Variants in MARCHF5 observed in about 807,000 individuals in gnomAD.
MARCHF5 encodes the protein E3 ubiquitin-protein ligase MARCHF5.
Under a neutral mutation model 36.5 loss-of-function variants are expected in MARCHF5, and 5 were observed. The observed-to-expected ratio is 0.14, with a 90% confidence interval of 0.07 to 0.29. MARCHF5 has a LOEUF of 0.29. MARCHF5 is among the 10% of genes least tolerant of loss of function. The pLI, the probability that MARCHF5 is intolerant of heterozygous loss-of-function variation, is 1.00. For missense variants in MARCHF5, 179 were observed against 336.3 expected (o/e 0.53, Z 3.66); for synonymous variants, 103 against 109.9 (o/e 0.94, Z 0.39).
chr10:92,330,869 G>A (rs1331003425), intron 2 of MARCHF5, among the ~76,000 whole-genome samples: 1 of 152,164 alleles, frequency 6.6e-6, no homozygotes, highest in Non-Finnish European at 1.5e-5. Context: ...AATTCACACA[G>A]CAGACCCAAC....
intron 2 of MARCHF5, among the ~76,000 whole-genome samples, chr10:92,323,710 T>G (rs1843319041): frequency 6.6e-6 from 1 of 152,236 alleles, no homozygotes; most frequent in Admixed American, 6.5e-5. Flanking sequence ...GCATTTAATT[T>G]CCTCTGTGTC....
At position 92,291,433 on chromosome 10, in the gene MARCHF5, TC is replaced by T; in HGVS notation, c.-59del. 1 of 1,416,778 alleles carries T rather than the reference TC, an allele frequency of 7.1e-7. No individual in the cohort carries two copies. The highest frequency in any genetic ancestry group is 9.7e-7 in the Non-Finnish European group (1 of 1,026,248). 87.8% of individuals were successfully genotyped at this position (1,416,778 alleles called of 1,614,324 possible). A position where few individuals can be genotyped will look rare whatever the true frequency, so the allele number is the denominator to read the frequency against. On this transcript the variant is annotated 5_prime_UTR_variant, in exon 1 of 6. The change creates a premature stop within an existing upstream ORF in the 5' untranslated region. Coordinates refer to ENST00000358935, the MANE Select transcript of MARCHF5 (RefSeq NM_017824.5). ...ACTCCGCCGCCTCTCAGTGCTATTGTCCCTGGGCCTGGCCTTGAGCGGGTCC... is the reference window on the plus strand; with the variant it reads ...ACTCCGCCGCCTCTCAGTGCTATTGTCCTGGGCCTGGCCTTGAGCGGGTCC...
intron 2 of MARCHF5, among the ~76,000 whole-genome samples, chr10:92,328,366 C>G (rs1277061287): frequency 6.7e-6 from 1 of 148,764 alleles, no homozygotes; most frequent in Admixed American, 6.7e-5. Flanking sequence ...CCTTTTTTGC[C>G]AGCTTTTTCA....
chr10:92,315,321 T>C (rs1216556405), intron 2 of MARCHF5, among the ~76,000 whole-genome samples: 1 of 152,256 alleles, frequency 6.6e-6, no homozygotes, highest in East Asian at 1.9e-4. Context: ...GCACGTAATG[T>C]CCGATAGTGT....
chr10:92,335,612 C>T (rs1346219528), intron 2 of MARCHF5, among the ~76,000 whole-genome samples: 1 of 152,176 alleles, frequency 6.6e-6, no homozygotes, highest in Non-Finnish European at 1.5e-5. Flanking sequence ...CAACCTTTGC[C>T]TCCATTTTAT....
intron 1 of MARCHF5, among the ~76,000 whole-genome samples, chr10:92,291,916 C>G (rs1030941396): frequency 2.6e-5 from 4 of 152,092 alleles, no homozygotes; most frequent in Non-Finnish European, 5.9e-5. Context: ...GGGAATGACC[C>G]CCTTATAATT....
chr10:92,335,593 T>C (rs1843492434), intron 2 of MARCHF5, among the ~76,000 whole-genome samples: 1 of 152,244 alleles, frequency 6.6e-6, no homozygotes, highest in South Asian at 2.1e-4. Flanking sequence ...AATTAGGTGC[T>C]ATAAAATGCA....
At chr10:92,337,964 A>G (rs1246938098) in intron 2 of MARCHF5, among the ~76,000 whole-genome samples, 1 of 151,510 alleles carries the variant, frequency 6.6e-6, no homozygotes, top group Non-Finnish European at 1.5e-5. Context: ...GCTTGAGCCT[A>G]GGAGTTCCAG....
intron 1 of MARCHF5, among the ~76,000 whole-genome samples, chr10:92,307,559 C>CT (rs1466010491): frequency 6.6e-6 from 1 of 151,822 alleles, no homozygotes; most frequent in Non-Finnish European, 1.5e-5. Context: ...GATCCTGTCT[C>CT]TAAAAAAAAA....
intron 2 of MARCHF5, among the ~76,000 whole-genome samples, chr10:92,319,008 C>T (rs1471722204): frequency 6.6e-6 from 1 of 152,108 alleles, no homozygotes; most frequent in Non-Finnish European, 1.5e-5. Context: ...TGCCTGACGA[C>T]TTTTCACCGT....
In MARCHF5 at chr10:92,311,121, CTT is replaced by C. The variant is rs142934556; in HGVS notation, c.36-11_36-10del. On this transcript the variant is annotated splice_polypyrimidine_tract_variant and intron_variant, in intron 1 of 5. Coordinates refer to ENST00000358935, the MANE Select transcript of MARCHF5 (RefSeq NM_017824.5). ...AAAGATATAAATGTCATCCTTTTCT[CTT>C]TTAATTTACAGAAGTTGCTGGGTTT... The C allele has an allele frequency of 0.042, 68,362 of 1,609,240 alleles. 1,720 individuals carry two copies. Among genetic ancestry groups the C allele is most frequent in the Non-Finnish European group, 0.051 (59,656 of 1,175,760 alleles).
chr10:92,304,059 T>G (rs553016818), intron 1 of MARCHF5, among the ~76,000 whole-genome samples: 1 of 152,292 alleles, frequency 6.6e-6, no homozygotes, highest in African/African-American at 2.4e-5. Context: ...AGAAAATGAA[T>G]TGAAAGGGTT....
intron 1 of MARCHF5, among the ~76,000 whole-genome samples, chr10:92,292,057 G>C (rs544050231): frequency 4.3e-4 from 50 of 116,180 alleles, no homozygotes; most frequent in Non-Finnish European, 7.7e-4. Flanking sequence ...CCTCCGAACT[G>C]TAAGGTCAGA....
chr10:92,323,994 G>A (rs1286024902), intron 2 of MARCHF5, among the ~76,000 whole-genome samples: 2 of 152,182 alleles, frequency 1.3e-5, no homozygotes, highest in Non-Finnish European at 2.9e-5. Context: ...CTCCAAAGTG[G>A]CTGTACCATG....
At chr10:92,295,425 T>G (rs1316781560) in intron 1 of MARCHF5, among the ~76,000 whole-genome samples, 1 of 148,064 alleles carries the variant, frequency 6.8e-6, no homozygotes, top group Non-Finnish European at 1.5e-5. Context: ...TTTTTTTTTT[T>G]GAGACAGAGT....
intron 3 of MARCHF5, among the ~76,000 whole-genome samples, chr10:92,347,161 T>C (rs1259588785): frequency 7.4e-6 from 1 of 134,232 alleles, no homozygotes; most frequent in African/African-American, 2.8e-5. Flanking sequence ...CTGGGAAACG[T>C]AGCAAGACCC....
At chr10:92,296,545 T>C (rs1477908338) in intron 1 of MARCHF5, among the ~76,000 whole-genome samples, 1 of 152,220 alleles carries the variant, frequency 6.6e-6, no homozygotes, top group African/African-American at 2.4e-5. Context: ...AAGAATATTA[T>C]AACAAACTGC....
At chr10:92,310,269 TGGAG>T (rs1233795011) in intron 1 of MARCHF5, among the ~76,000 whole-genome samples, 12 of 152,146 alleles carry the variant, frequency 7.9e-5, no homozygotes, top group Non-Finnish European at 1.3e-4. Flanking sequence ...CAAGTTCTAA[TGGAG>T]GGGAGGAGCG....
chr10:92,343,599 C>T (rs991831893), intron 3 of MARCHF5, among the ~76,000 whole-genome samples: 1 of 152,172 alleles, frequency 6.6e-6, no homozygotes. Flanking sequence ...GACAGAGTTT[C>T]GCTCTTGTTG....
Sources: gnomAD v4.1 joint callset for allele counts (sites outside exome capture counted in the v4.1 genomes callset) on GRCh38, gnomAD v4.1.1 for gene constraint, MANE v1.5 for transcripts, NCBI Gene and HGNC (gene_info 2026-07-23, HGNC 2026-07-21) for gene names.